The following CSMD1 variants were observed in gnomAD, a reference collection of about 807,000 sequenced individuals.
CSMD1 encodes the protein CUB and sushi domain-containing protein 1.
CSMD1 carries 213 observed loss-of-function variants against 417.5 expected under a neutral mutation model. That is an observed-to-expected ratio of 0.51 (90% CI 0.46 to 0.57). CSMD1 has a LOEUF of 0.57. CSMD1 is among the 20% of genes least tolerant of loss of function. CSMD1 has a pLI of 0.00. For missense variants in CSMD1, 6,923 were observed against 4,529.7 expected (o/e 1.53, Z -15.17); for synonymous variants, 2,862 against 1,736.8 (o/e 1.65, Z -16.11).
chr8:4,822,422 C>T (rs887305847), intron 1 of CSMD1, among the ~76,000 whole-genome samples: 3 of 152,042 alleles, frequency 2.0e-5, no homozygotes, highest in Admixed American at 1.3e-4. Flanking sequence ...AAAAGATAAT[C>T]TATATGCCTT....
intron 2 of CSMD1, among the ~76,000 whole-genome samples, chr8:4,521,823 G>A (rs963576535): frequency 6.6e-6 from 1 of 152,132 alleles, no homozygotes; most frequent in Non-Finnish European, 1.5e-5. Context: ...CCTACTGTAT[G>A]GTTACTCAAG....
intron 1 of CSMD1, among the ~76,000 whole-genome samples, chr8:4,717,909 A>G (rs17418584): frequency 0.08 from 12,223 of 152,294 alleles, 716 homozygotes; most frequent in Non-Finnish European, 0.12. Flanking sequence ...TGACTAAAGT[A>G]TTGATACAGA....
intron 3 of CSMD1, among the ~76,000 whole-genome samples, chr8:4,260,884 G>A (rs188335242): frequency 1.3e-5 from 2 of 152,094 alleles, no homozygotes; most frequent in Non-Finnish European, 2.9e-5. Flanking sequence ...TCTTTGTCGT[G>A]TTTGATATTA....
At chr8:4,236,039 G>GTTTTTTTTTTTTTTTTTTTTT (rs869245155) in intron 3 of CSMD1, among the ~76,000 whole-genome samples, 20 of 31,680 alleles carry the variant, frequency 6.3e-4, no homozygotes, top group African/African-American at 1.2e-3. Context: ...TTTTTTGTTT[G>GTTTTTTTTTTTTTTTTTTTTT]TTTTTTTTTT....
intron 41 of CSMD1, among the ~76,000 whole-genome samples, chr8:3,120,563 T>G (rs535260851): frequency 1.3e-5 from 2 of 152,128 alleles, no homozygotes; most frequent in Admixed American, 1.3e-4. Context: ...AATGACAATG[T>G]GCAGGCTGGG....
intron 65 of CSMD1, among the ~76,000 whole-genome samples, chr8:2,953,474 T>G (rs1446405423): frequency 6.7e-6 from 1 of 149,608 alleles, no homozygotes; most frequent in Non-Finnish European, 1.5e-5. Context: ...AAAAACAGTG[T>G]TAAAACCTGA....
At chr8:3,629,235 C>T (rs1377066767) in intron 7 of CSMD1, among the ~76,000 whole-genome samples, 1 of 152,128 alleles carries the variant, frequency 6.6e-6, no homozygotes, top group African/African-American at 2.4e-5. Context: ...AGGTCAGTTA[C>T]TGAGGCAAAG....
chr8:4,589,228 T>A (rs116281272), intron 2 of CSMD1, among the ~76,000 whole-genome samples: 4,851 of 152,292 alleles, frequency 0.032, 123 homozygotes, highest in Middle Eastern at 0.14. Context: ...ACTACATTTT[T>A]CTATATTGGA....
intron 7 of CSMD1, among the ~76,000 whole-genome samples, chr8:3,633,352 C>G (rs1796876267): frequency 2.0e-5 from 3 of 152,306 alleles, no homozygotes; most frequent in African/African-American, 4.8e-5. Context: ...TCAAAGGTGT[C>G]TTTGGTCCTG....
intron 1 of CSMD1, among the ~76,000 whole-genome samples, chr8:4,732,566 G>A (rs928531722): frequency 6.6e-6 from 1 of 152,056 alleles, no homozygotes; most frequent in Non-Finnish European, 1.5e-5. Context: ...CTAATGGAAA[G>A]CAACCTGTCA....
intron 49 of CSMD1, among the ~76,000 whole-genome samples, chr8:3,079,858 T>C (rs1453565797): frequency 2.0e-5 from 3 of 152,082 alleles, no homozygotes; most frequent in African/African-American, 4.8e-5. Flanking sequence ...TCTATGACGA[T>C]TGAAGAGATA....
chr8:3,293,442 C>G (rs892336728), intron 25 of CSMD1, among the ~76,000 whole-genome samples: 1 of 152,326 alleles, frequency 6.6e-6, no homozygotes, highest in Non-Finnish European at 1.5e-5. Flanking sequence ...GTTCCATTCT[C>G]CCTGTCACTT....
intron 3 of CSMD1, among the ~76,000 whole-genome samples, chr8:4,125,230 G>T (rs1392899445): frequency 6.6e-6 from 1 of 152,126 alleles, no homozygotes. Context: ...GAACTGCTTA[G>T]GGCCAACCTG....
intron 3 of CSMD1, among the ~76,000 whole-genome samples, chr8:4,112,196 CA>C (rs1294932165): frequency 6.6e-6 from 1 of 152,146 alleles, no homozygotes; most frequent in East Asian, 1.9e-4. Flanking sequence ...CCATAATTAT[CA>C]AGAACCAGTA....
At chr8:3,950,690 T>A (rs1440839952) in intron 5 of CSMD1, among the ~76,000 whole-genome samples, 1 of 152,190 alleles carries the variant, frequency 6.6e-6, no homozygotes, top group Non-Finnish European at 1.5e-5. Flanking sequence ...TAATAATGCA[T>A]TATGGAGCAC....
intron 40 of CSMD1, among the ~76,000 whole-genome samples, chr8:3,146,284 T>A (rs1280965645): frequency 6.6e-6 from 1 of 151,994 alleles, no homozygotes; most frequent in Non-Finnish European, 1.5e-5. Context: ...AATCCTGAGT[T>A]GGTTGAGCTC....
At chr8:4,833,179 A>T (rs1214253265) in intron 1 of CSMD1, among the ~76,000 whole-genome samples, 3 of 152,216 alleles carry the variant, frequency 2.0e-5, no homozygotes, top group African/African-American at 4.8e-5. Context: ...TGCTATAAAA[A>T]AAACTATGTG....
intron 49 of CSMD1, among the ~76,000 whole-genome samples, chr8:3,052,897 C>T (rs557827629): frequency 1.3e-5 from 2 of 151,518 alleles, no homozygotes; most frequent in East Asian, 2.0e-4. Context: ...TCAAGTGATT[C>T]TCATGCCTCA....
intron 1 of CSMD1, among the ~76,000 whole-genome samples, chr8:4,898,855 T>C (rs1014323613): frequency 3.3e-5 from 5 of 152,150 alleles, no homozygotes; most frequent in African/African-American, 1.2e-4. Context: ...GACAGTGTGG[T>C]TTATTTGTCT....
Sources: gnomAD v4.1 joint callset for allele counts (sites outside exome capture counted in the v4.1 genomes callset) on GRCh38, gnomAD v4.1.1 for gene constraint, MANE v1.5 for transcripts, NCBI Gene and HGNC (gene_info 2026-07-23, HGNC 2026-07-21) for gene names.